Variants in PABPC4L observed in about 807,000 individuals in gnomAD.
PABPC4L encodes polyadenylate-binding protein 4-like.
For synonymous variants in PABPC4L, 169 were observed against 164.1 expected (o/e 1.03, Z -0.23); for missense variants, 452 against 451.4 (o/e 1.00, Z -0.01).
chr4:134,053,543 G>A, the PABPC4L span, among the ~76,000 whole-genome samples: 4 of 151,956 alleles, frequency 2.6e-5, no homozygotes, highest in Non-Finnish European at 2.9e-5. Context: ...AAATATTTAG[G>A]AAAATCTTGG....
chr4:134,112,108 T>C, the PABPC4L span, among the ~76,000 whole-genome samples: 3 of 151,910 alleles, frequency 2.0e-5, no homozygotes, highest in Non-Finnish European at 2.9e-5. Context: ...CATTGCAATA[T>C]AGTCATTAGT....
the PABPC4L span, among the ~76,000 whole-genome samples, chr4:134,079,256 C>T: frequency 6.6e-6 from 1 of 151,126 alleles, no homozygotes; most frequent in African/African-American, 2.4e-5. Flanking sequence ...AGGCTTGAGC[C>T]ACCACAACCA....
At chr4:134,003,148 A>G in the PABPC4L span, among the ~76,000 whole-genome samples, 1 of 152,114 alleles carries the variant, frequency 6.6e-6, no homozygotes, top group Non-Finnish European at 1.5e-5. Context: ...ATTATCTGAT[A>G]TAGTCTCTAA....
the PABPC4L span, among the ~76,000 whole-genome samples, chr4:134,093,999 C>T: frequency 4.0e-5 from 6 of 151,664 alleles, no homozygotes; most frequent in East Asian, 9.7e-4. Flanking sequence ...AAACTCTTTC[C>T]TTTCAACTTT....
chr4:134,189,744 T>G, the PABPC4L span, among the ~76,000 whole-genome samples: 1 of 152,124 alleles, frequency 6.6e-6, no homozygotes, highest in Non-Finnish European at 1.5e-5. Flanking sequence ...ATAAATGCTT[T>G]CATTTTTCTT....
At chr4:134,169,838 G>A in the PABPC4L span, among the ~76,000 whole-genome samples, 2 of 151,862 alleles carry the variant, frequency 1.3e-5, no homozygotes, top group Non-Finnish European at 2.9e-5. Flanking sequence ...AATAAAAATT[G>A]TTTTGTTATT....
At chr4:133,976,812 G>A in the PABPC4L span, among the ~76,000 whole-genome samples, 1 of 152,028 alleles carries the variant, frequency 6.6e-6, no homozygotes, top group African/African-American at 2.4e-5. Flanking sequence ...GGGGTTGTTT[G>A]TTTATTCCTT....
the PABPC4L span, among the ~76,000 whole-genome samples, chr4:134,082,476 C>G: frequency 6.6e-6 from 1 of 152,022 alleles, no homozygotes. Context: ...GAAGTATTGT[C>G]TTGAGATTCG....
the PABPC4L span, among the ~76,000 whole-genome samples, chr4:134,173,205 C>T: frequency 1.5e-3 from 222 of 144,176 alleles, 1 homozygote; most frequent in African/African-American, 5.1e-3. Flanking sequence ...AACTACCATA[C>T]GATCCAGCAA....
chr4:134,095,668 T>C, the PABPC4L span, among the ~76,000 whole-genome samples: 2 of 152,028 alleles, frequency 1.3e-5, no homozygotes, highest in Non-Finnish European at 1.5e-5. Context: ...CCTTCAATGT[T>C]AATTTTATCT....
chr4:134,064,707 A>G, the PABPC4L span, among the ~76,000 whole-genome samples: 1 of 152,076 alleles, frequency 6.6e-6, no homozygotes, highest in African/African-American at 2.4e-5. Context: ...CCAGGTAAGA[A>G]GCATAAAATG....
At chr4:133,999,588 G>T in the PABPC4L span, among the ~76,000 whole-genome samples, 1 of 152,014 alleles carries the variant, frequency 6.6e-6, no homozygotes, top group Admixed American at 6.6e-5. Flanking sequence ...AGAAGGCATT[G>T]TTTAATTAGC....
chr4:134,081,110 A>G, the PABPC4L span, among the ~76,000 whole-genome samples: 1 of 152,334 alleles, frequency 6.6e-6, no homozygotes, highest in East Asian at 1.9e-4. Flanking sequence ...TGAATTTACA[A>G]GGAAGATTTG....
At chr4:134,093,820 T>C in the PABPC4L span, among the ~76,000 whole-genome samples, 1 of 151,626 alleles carries the variant, frequency 6.6e-6, no homozygotes, top group African/African-American at 2.4e-5. Flanking sequence ...TTCTTCTATT[T>C]GAAAGATGTA....
chr4:134,181,361 G>A, the PABPC4L span, among the ~76,000 whole-genome samples: 2 of 151,828 alleles, frequency 1.3e-5, no homozygotes, highest in Non-Finnish European at 2.9e-5. Context: ...GGCATTAAAG[G>A]GACATACCTC....
At chr4:134,080,771 T>C in the PABPC4L span, among the ~76,000 whole-genome samples, 4 of 152,150 alleles carry the variant, frequency 2.6e-5, no homozygotes, top group African/African-American at 4.8e-5. Context: ...TCTCAATTTG[T>C]AGAAGTCAAA....
At chr4:134,147,309 C>G in the PABPC4L span, among the ~76,000 whole-genome samples, 2 of 152,108 alleles carry the variant, frequency 1.3e-5, no homozygotes, top group Admixed American at 6.6e-5. Context: ...AAAATATTCT[C>G]CCTTGAGTCT....
chr4:134,017,220 A>G, the PABPC4L span, among the ~76,000 whole-genome samples: 4 of 152,126 alleles, frequency 2.6e-5, no homozygotes, highest in Non-Finnish European at 5.9e-5. Context: ...ACACCTCACC[A>G]AGTTCATCCA....
chr4:133,996,672 A>G, the PABPC4L span, among the ~76,000 whole-genome samples: 3 of 151,982 alleles, frequency 2.0e-5, no homozygotes, highest in African/African-American at 7.3e-5. Context: ...TGTCCTGCAG[A>G]CTCTGGCTGA....
Sources: gnomAD v4.1 joint callset for allele counts (sites outside exome capture counted in the v4.1 genomes callset) on GRCh38, gnomAD v4.1.1 for gene constraint, MANE v1.5 for transcripts, NCBI Gene and HGNC (gene_info 2026-07-23, HGNC 2026-07-21) for gene names.